The following RNF150 variants were observed in gnomAD, a reference collection of about 807,000 sequenced individuals.
The protein encoded by RNF150 is ring finger protein 150.
A neutral mutation model predicts 39.3 loss-of-function variants in RNF150; 24 were observed. That is an observed-to-expected ratio of 0.61 (90% CI 0.44 to 0.86). RNF150 has a LOEUF of 0.86. RNF150 is among the 40% of genes least tolerant of loss of function. The pLI, the probability that RNF150 is intolerant of heterozygous loss-of-function variation, is 0.00. For synonymous variants in RNF150, 255 were observed against 227.3 expected (o/e 1.12, Z -1.10); for missense variants, 502 against 587.8 (o/e 0.85, Z 1.51).
At chr4:141,041,090 A>T (rs868586535) in intron 1 of RNF150, among the ~76,000 whole-genome samples, 14 of 151,746 alleles carry the variant, frequency 9.2e-5, no homozygotes, top group Middle Eastern at 3.4e-3. Flanking sequence ...ACATTCATTT[A>T]AAAAAAAATT....
intron 1 of RNF150, among the ~76,000 whole-genome samples, chr4:141,077,869 C>G (rs549613046): frequency 6.6e-6 from 1 of 152,214 alleles, no homozygotes; most frequent in Admixed American, 6.5e-5. Context: ...GGCCTTTGTT[C>G]GGGGTTTTGT....
chr4:141,088,154 G>T (rs756261575), intron 1 of RNF150, among the ~76,000 whole-genome samples: 1 of 152,278 alleles, frequency 6.6e-6, no homozygotes, highest in South Asian at 2.1e-4. Context: ...TCAGTGAATT[G>T]TAAGGATCAA....
intron 2 of RNF150, among the ~76,000 whole-genome samples, chr4:140,952,807 G>A (rs1254065052): frequency 9.9e-5 from 15 of 152,250 alleles, no homozygotes; most frequent in Admixed American, 5.2e-4. Flanking sequence ...ATAGATTGAG[G>A]GAAAGAGAGT....
chr4:141,185,727 T>A (rs1727995832), intron 1 of RNF150, among the ~76,000 whole-genome samples: 1 of 152,252 alleles, frequency 6.6e-6, no homozygotes, highest in Non-Finnish European at 1.5e-5. Flanking sequence ...TTATTGAATG[T>A]GTTTAGCATG....
intron 1 of RNF150, among the ~76,000 whole-genome samples, chr4:140,989,380 G>A (rs1030758943): frequency 2.0e-5 from 3 of 152,008 alleles, no homozygotes; most frequent in South Asian, 2.1e-4. Flanking sequence ...GTGCTGTGAC[G>A]AGCTGCCACA....
At chr4:140,917,207 G>A (rs1730870616) in intron 5 of RNF150, among the ~76,000 whole-genome samples, 1 of 152,170 alleles carries the variant, frequency 6.6e-6, no homozygotes, top group African/African-American at 2.4e-5. Context: ...AACCTTAAAT[G>A]TAAATGGGCT....
At chr4:141,145,428 A>T (rs573895334) in intron 1 of RNF150, among the ~76,000 whole-genome samples, 1 of 152,360 alleles carries the variant, frequency 6.6e-6, no homozygotes, top group Non-Finnish European at 1.5e-5. Flanking sequence ...ACCTATTATA[A>T]AGATAAATTT....
chr4:140,896,718 AAAC>A (rs1406945371), intron 6 of RNF150, among the ~76,000 whole-genome samples: 2 of 39,540 alleles, frequency 5.1e-5, no homozygotes, highest in African/African-American at 1.3e-4. Flanking sequence ...ACAAACAAAC[AAAC>A]AAAAAAAAAT....
chr4:141,064,952 G>T (rs1737394174), intron 1 of RNF150, among the ~76,000 whole-genome samples: 1 of 152,176 alleles, frequency 6.6e-6, no homozygotes. Context: ...TGCAACCTCT[G>T]CCTCCTAGGT....
At chr4:140,908,103 A>G (rs1730460857) in intron 6 of RNF150, among the ~76,000 whole-genome samples, 1 of 152,278 alleles carries the variant, frequency 6.6e-6, no homozygotes, top group Admixed American at 6.5e-5. Context: ...ACTTACGTGT[A>G]TATCCTCATG....
In RNF150 at chr4:140,989,987, T is replaced by TA. The variant is rs57002537; in HGVS notation, c.485-22115dup. Among the ~76,000 whole-genome samples, 488 of 148,642 alleles carry TA rather than the reference T, an allele frequency of 3.3e-3. 2 individuals are homozygous for TA. Among genetic ancestry groups the TA allele is most frequent in the African/African-American group, 8.1e-3 (329 of 40,820 alleles). Reference sequence around the variant, plus strand: ...AAAAAGACTGGCAAGTAACCAAAATTAAAAAAAAAAATTGTTCTTTCTTTC... The same window carrying TA: ...AAAAAGACTGGCAAGTAACCAAAATTAAAAAAAAAAAATTGTTCTTTCTTTC... On this transcript the variant is annotated intron_variant, in intron 1 of 6. Transcript: ENST00000515673.
intron 1 of RNF150, among the ~76,000 whole-genome samples, chr4:141,146,241 T>A (rs1410541509): frequency 2.6e-5 from 4 of 152,190 alleles, no homozygotes; most frequent in African/African-American, 9.6e-5. Flanking sequence ...ATCCAAATAA[T>A]AGAGCCTTTG....
chr4:141,132,310 C>T lies in RNF150; in HGVS notation c.484+15G>A. Reference sequence around the variant, plus strand: ...CCCGCCGGCTCCCCTCCCCCGCGCCCGCTGGGCCACTCACCCGCGTGGGGC... The same window carrying T: ...CCCGCCGGCTCCCCTCCCCCGCGCCTGCTGGGCCACTCACCCGCGTGGGGC... On this transcript the variant is annotated intron_variant, in intron 1 of 6. Transcript: ENST00000515673. The surrounding 1 kb of genome is among the most constrained non-coding windows in gnomAD (Gnocchi z 4.9). 1.9e-6 allele frequency: 3 copies of T among 1,563,364 alleles called. No individual in the cohort carries two copies. The highest frequency in any genetic ancestry group is 2.6e-6 in the Non-Finnish European group (3 of 1,153,578).
chr4:141,167,894 A>G (rs1727630743), intron 1 of RNF150, among the ~76,000 whole-genome samples: 1 of 152,240 alleles, frequency 6.6e-6, no homozygotes, highest in Non-Finnish European at 1.5e-5. Context: ...CAAAGACTTC[A>G]TGATTAAAAC....
At chr4:141,049,342 A>G (rs995651028) in intron 1 of RNF150, among the ~76,000 whole-genome samples, 1 of 151,994 alleles carries the variant, frequency 6.6e-6, no homozygotes, top group Non-Finnish European at 1.5e-5. Flanking sequence ...TCAAGAGGAA[A>G]ATGGTAAAAA....
intron 1 of RNF150, among the ~76,000 whole-genome samples, chr4:141,027,985 C>T (rs181552848): frequency 8.8e-6 from 1 of 113,304 alleles, no homozygotes; most frequent in East Asian, 2.8e-4. Flanking sequence ...ATATCTAGTG[C>T]AGAGAAAATC....
At chr4:141,197,410 G>A (rs1560775676) in intron 1 of RNF150, among the ~76,000 whole-genome samples, 1 of 152,014 alleles carries the variant, frequency 6.6e-6, no homozygotes, top group South Asian at 2.1e-4. Flanking sequence ...GGCACTTAAT[G>A]TATTTATTTT....
chr4:140,872,949 T>G (rs944741270), intron 6 of RNF150, among the ~76,000 whole-genome samples: 2 of 152,110 alleles, frequency 1.3e-5, no homozygotes, highest in Non-Finnish European at 2.9e-5. Flanking sequence ...ACAGAAGAGA[T>G]GAGAGGTTTT....
intron 4 of RNF150, among the ~76,000 whole-genome samples, chr4:140,945,662 T>C (rs1272664306): frequency 6.7e-6 from 1 of 149,556 alleles, no homozygotes; most frequent in East Asian, 1.9e-4. Flanking sequence ...AATTTATTCA[T>C]GACAGAGCTT....
Sources: allele counts gnomAD v4.1 joint callset (sites outside exome capture counted in the v4.1 genomes callset), GRCh38; gene constraint gnomAD v4.1.1; non-coding constraint Gnocchi (gnomAD v3.1); transcripts MANE v1.5; gene names NCBI Gene and HGNC (gene_info 2026-07-23, HGNC 2026-07-21).